PDHX: variants seen among roughly 807,000 people sequenced by gnomAD.
PDHX encodes pyruvate dehydrogenase protein X component, mitochondrial.
A neutral mutation model predicts 55.3 loss-of-function variants in PDHX; 33 were observed. The ratio of observed to expected loss-of-function variants is 0.60; its 90% CI spans 0.45 to 0.80. PDHX has a LOEUF of 0.80. PDHX is among the 30% of genes least tolerant of loss of function. PDHX has a pLI of 0.00. For missense variants in PDHX, 622 were observed against 619.9 expected (o/e 1.00, Z -0.04); for synonymous variants, 226 against 219.4 (o/e 1.03, Z -0.27).
intron 1 of PDHX, among the ~76,000 whole-genome samples, chr11:34,917,176 A>G (rs1853742352): frequency 6.6e-6 from 1 of 152,104 alleles, no homozygotes; most frequent in Non-Finnish European, 1.5e-5. Context: ...GACGAGAAAA[A>G]GCTGCCCAAG....
In PDHX at chr11:34,952,777, G is replaced by A. The variant is rs1012589226; in HGVS notation, c.343-4607G>A. On this transcript the variant is annotated intron_variant, in intron 3 of 10. Coordinates refer to ENST00000227868, the MANE Select transcript of PDHX (RefSeq NM_003477.3). ...CTGGAAGCATTCCCTTTGAAAACGG[G>A]CACAAGACAGGGATGCCCTCTCTCA... is the stretch of plus-strand genomic sequence containing the variant. Among the ~76,000 whole-genome samples, 38 of 148,716 alleles carry A rather than the reference G, an allele frequency of 2.6e-4. 1 individual carries two copies. Among genetic ancestry groups the A allele is most frequent in the African/African-American group, 8.4e-4 (33 of 39,360 alleles).
chr11:34,925,172 A>G (rs1174217453), intron 1 of PDHX, among the ~76,000 whole-genome samples: 1 of 152,212 alleles, frequency 6.6e-6, no homozygotes, highest in East Asian at 1.9e-4. Flanking sequence ...CACATCAGAT[A>G]CTTTCTCACT....
At position 34,970,423 on chromosome 11, in the gene PDHX, T is replaced by C. The variant is rs1855233289; in HGVS notation, c.964+137T>C. ...TTCATAATGTACTTGCACTCTACTC[T>C]GGGTATATTTGTGCTAGAGGAAAAA... On this transcript the variant is annotated intron_variant, in intron 7 of 10. Transcript: ENST00000227868. 1.5e-5 allele frequency: 11 copies of C among 722,712 alleles called. No homozygotes were observed. In the South Asian group the frequency reaches 1.9e-4, roughly 13 times the overall value. The allele number at this position is 722,712 out of a possible 1,614,324, so 44.8% of individuals were successfully genotyped here. A position where few individuals can be genotyped will look rare whatever the true frequency, so the allele number is the denominator to read the frequency against.
At chr11:34,954,399 G>C (rs928071991) in intron 3 of PDHX, among the ~76,000 whole-genome samples, 1 of 152,166 alleles carries the variant, frequency 6.6e-6, no homozygotes, top group Non-Finnish European at 1.5e-5. Flanking sequence ...GCTGTTTGTA[G>C]CACATTTGCA....
intron 3 of PDHX, among the ~76,000 whole-genome samples, chr11:34,951,838 G>A (rs1476716229): frequency 2.0e-5 from 3 of 152,144 alleles, no homozygotes; most frequent in South Asian, 4.1e-4. Context: ...TAGGTCTAAC[G>A]TTTAAGTCTT....
At position 34,978,166 on chromosome 11, in the gene PDHX, C is replaced by T. The variant is rs770848200; in HGVS notation, c.1007C>T (p.Ala336Val). 4 of 1,568,878 alleles carry T rather than the reference C, an allele frequency of 2.5e-6. No individual in the cohort carries two copies. The highest frequency in any genetic ancestry group is 1.3e-5 in the African/African-American group (1 of 74,420). The change falls in exon 8 of 11, where the codon GCA (alanine) becomes GTA (valine). Residue 336 changes from alanine to valine, a missense_variant. Ala to Val is a moderately conservative substitution (Grantham distance 64). Transcript: ENST00000227868. ...GTAAATGATTTTATCATCAAGGCAG[C>T]AGCTGTTACCCTTAAAGTAAGTAGC... is the stretch of plus-strand genomic sequence containing the variant. ...VSVNDFIIKA[A>V]AVTLKQMPDV...
chr11:34,936,048 C>T lies in PDHX; in HGVS notation c.241+4564C>T, dbSNP rs115371290. Among the ~76,000 whole-genome samples, 276 of 152,272 alleles carry T rather than the reference C, an allele frequency of 1.8e-3. 1 individual carries two copies. Among genetic ancestry groups the T allele is most frequent in the African/African-American group, 6.3e-3 (261 of 41,556 alleles). On this transcript the variant is annotated intron_variant, in intron 2 of 10. Transcript: ENST00000227868. ...TAGCCTTTCATAGCATCACTTTTGCCACTAATGACAGATGTGGGGATCAGG... is the reference window on the plus strand; with the variant it reads ...TAGCCTTTCATAGCATCACTTTTGCTACTAATGACAGATGTGGGGATCAGG...
chr11:34,978,048 C>T, intron 7 of PDHX, 76 bp from the exon 8 acceptor site: 1 of 807,686 alleles, frequency 1.2e-6, no homozygotes, highest in Non-Finnish European at 2.2e-6. Context: ...CCATAATTTA[C>T]AAGTTTGAAG....
At chr11:34,916,161 C>A, upstream of PDHX, 1 of 1,561,292 alleles carries the variant, frequency 6.4e-7, no homozygotes, top group Non-Finnish European at 8.7e-7. Context: ...GCGCCCAGCT[C>A]CAGCCGCCGG....
chr11:34,983,459 A>G (rs891352491), intron 8 of PDHX, among the ~76,000 whole-genome samples: 17 of 152,186 alleles, frequency 1.1e-4, no homozygotes, highest in Non-Finnish European at 1.9e-4. Flanking sequence ...AAGGGTATTC[A>G]ATTAGGAAAA....
intron 2 of PDHX, among the ~76,000 whole-genome samples, 160 bp downstream of exon 2, chr11:34,931,644 C>G: frequency 6.6e-6 from 1 of 151,454 alleles, no homozygotes; most frequent in East Asian, 1.9e-4. Flanking sequence ...TAAAATTTTC[C>G]CATGATAAAG....
Position 34,994,826 on chromosome 11 carries a change from C to G in PDHX, c.1248-88C>G, listed in dbSNP as rs1855824845. On this transcript the variant is annotated intron_variant, in intron 10 of 10. Coordinates refer to ENST00000227868, the MANE Select transcript of PDHX (RefSeq NM_003477.3). ...TTTTTTTCTTGCCTTACTACACTGC[C>G]TAGTAAAATATATAAAATATGTGCT... 6.3e-6 allele frequency: 9 copies of G among 1,431,520 alleles called. No homozygotes were observed. The South Asian group carries it at 9.2e-5, about 15-fold the overall frequency. The allele number at this position is 1,431,520 out of a possible 1,614,324, so 88.7% of individuals were successfully genotyped here. A position where few individuals can be genotyped will look rare whatever the true frequency, so the allele number is the denominator to read the frequency against.
At chr11:34,954,018 A>G (rs1434411265) in intron 3 of PDHX, among the ~76,000 whole-genome samples, 1 of 152,200 alleles carries the variant, frequency 6.6e-6, no homozygotes, top group Non-Finnish European at 1.5e-5. Flanking sequence ...TTATAAACCA[A>G]AGTTCATTGT....
At chr11:34,925,005 T>C (rs1333504640) in intron 1 of PDHX, among the ~76,000 whole-genome samples, 1 of 152,246 alleles carries the variant, frequency 6.6e-6, no homozygotes, top group Non-Finnish European at 1.5e-5. Flanking sequence ...ACAAATATTA[T>C]GCACAATTGA....
intron 8 of PDHX, among the ~76,000 whole-genome samples, chr11:34,983,594 A>G (rs1855570673): frequency 6.6e-6 from 1 of 150,980 alleles, no homozygotes; most frequent in African/African-American, 2.5e-5. Context: ...TACACAATCA[A>G]TGTGCAAAAA....
intron 9 of PDHX, among the ~76,000 whole-genome samples, chr11:34,985,980 A>G (rs943660398): frequency 6.6e-6 from 1 of 152,184 alleles, no homozygotes; most frequent in African/African-American, 2.4e-5. Flanking sequence ...GATTTGCAGA[A>G]AGTGTTTGAT....
chr11:34,994,886 C>G, intron 10 of PDHX, 28 bp from the exon 11 acceptor site: 1 of 1,613,422 alleles, frequency 6.2e-7, no homozygotes. Context: ...GGACATGCCT[C>G]CTTCAGAGCT....
In PDHX at chr11:34,977,800, G is replaced by C. The variant is rs575980622; in HGVS notation, c.965-324G>C. Reference sequence around the variant, plus strand: ...CACAGAGAGATCATTTGTCTTTTTCGAGACATAGGAGTTAGTTCTTTTTTT... The same window carrying C: ...CACAGAGAGATCATTTGTCTTTTTCCAGACATAGGAGTTAGTTCTTTTTTT... On this transcript the variant is annotated intron_variant, in intron 7 of 10. Transcript: ENST00000227868. 4 of 466,764 alleles carry C rather than the reference G, an allele frequency of 8.6e-6. No homozygotes were observed. In the Admixed American group the frequency reaches 9.3e-5, roughly 11 times the overall value. 28.9% of individuals were successfully genotyped at this position (466,764 alleles called of 1,614,324 possible).
intron 10 of PDHX, among the ~76,000 whole-genome samples, chr11:34,992,828 T>A (rs1437656296): frequency 6.6e-6 from 1 of 152,170 alleles, no homozygotes; most frequent in African/African-American, 2.4e-5. Flanking sequence ...ACATTCTTAT[T>A]AGTGTCTTAT....
Sources: gnomAD v4.1 joint callset for allele counts (sites outside exome capture counted in the v4.1 genomes callset) on GRCh38, gnomAD v4.1.1 for gene constraint, MANE v1.5 for transcripts, NCBI Gene and HGNC (gene_info 2026-07-23, HGNC 2026-07-21) for gene names.